Variants in ZMYND11 observed in about 807,000 individuals in gnomAD.
ZMYND11 encodes zinc finger MYND domain-containing protein 11.
A neutral mutation model predicts 84.9 loss-of-function variants in ZMYND11; 9 were observed. That is an observed-to-expected ratio of 0.11 (90% confidence interval 0.06 to 0.18). ZMYND11 has a LOEUF of 0.18. Among genes scored for constraint, ZMYND11 ranks in the 10% least tolerant of loss-of-function variants. The pLI is 1.00. For missense variants in ZMYND11, 409 were observed against 761.0 expected (o/e 0.54, Z 5.44); for synonymous variants, 250 against 244.1 (o/e 1.02, Z -0.23).
chr10:228,681 C>T (rs557735392), intron 4 of ZMYND11, among the ~76,000 whole-genome samples: 3 of 152,264 alleles, frequency 2.0e-5, no homozygotes, highest in South Asian at 2.1e-4. Flanking sequence ...AGATTTATTC[C>T]GCTGAAGAAC....
intron 1 of ZMYND11, among the ~76,000 whole-genome samples, chr10:153,817 C>T (rs1385663950): frequency 2.0e-5 from 3 of 152,186 alleles, no homozygotes; most frequent in African/African-American, 7.2e-5. Context: ...TAAAACAAGC[C>T]AGTTTCTTCC....
chr10:196,149 A>G (rs1357191916), intron 2 of ZMYND11, among the ~76,000 whole-genome samples: 2 of 152,168 alleles, frequency 1.3e-5, no homozygotes, highest in South Asian at 4.1e-4. Flanking sequence ...CTTTTTGGCT[A>G]TTTCTCTTTT....
chr10:207,093 G>T (rs1281936818), intron 2 of ZMYND11, among the ~76,000 whole-genome samples: 7 of 152,108 alleles, frequency 4.6e-5, no homozygotes, highest in Admixed American at 3.3e-4. Context: ...GCAGTGTTTG[G>T]TTTTTTGTCC....
chr10:219,335 TA>T (rs1397476786), intron 3 of ZMYND11, among the ~76,000 whole-genome samples: 3 of 152,196 alleles, frequency 2.0e-5, no homozygotes, highest in Non-Finnish European at 4.4e-5. Flanking sequence ...TGAATTAATG[TA>T]AAAAATTCAA....
intron 1 of ZMYND11, among the ~76,000 whole-genome samples, chr10:170,451 T>TGTGC (rs1456100828): frequency 1.5e-5 from 2 of 137,658 alleles, no homozygotes; most frequent in African/African-American, 5.4e-5. Flanking sequence ...TGTGTGTGTG[T>TGTGC]GTGTGCGTGC....
upstream of ZMYND11, among the ~76,000 whole-genome samples, chr10:131,582 G>A (rs1489275800): frequency 6.6e-6 from 1 of 152,098 alleles, no homozygotes; most frequent in Non-Finnish European, 1.5e-5. Context: ...TGGAGTGCAG[G>A]GATGCAATCA....
At chr10:158,996 T>TG (rs1219237913) in intron 1 of ZMYND11, among the ~76,000 whole-genome samples, 4 of 146,958 alleles carry the variant, frequency 2.7e-5, no homozygotes, top group African/African-American at 7.5e-5. Flanking sequence ...TTTTTGTTTT[T>TG]TTTTTTTTTT....
intron 2 of ZMYND11, among the ~76,000 whole-genome samples, chr10:209,581 A>T (rs1376634146): frequency 6.6e-6 from 1 of 152,170 alleles, no homozygotes; most frequent in Non-Finnish European, 1.5e-5. Flanking sequence ...ACTAAATGGG[A>T]TGTTTGACTA....
intron 1 of ZMYND11, among the ~76,000 whole-genome samples, chr10:146,627 T>C (rs190001019): frequency 3.9e-5 from 6 of 152,344 alleles, no homozygotes; most frequent in Admixed American, 1.3e-4. Flanking sequence ...TGTGTTGTTT[T>C]GTTTTTGCAG....
At chr10:226,616 A>T (rs2131514871) in intron 4 of ZMYND11, among the ~76,000 whole-genome samples, 1 of 152,280 alleles carries the variant, frequency 6.6e-6, no homozygotes, top group South Asian at 2.1e-4. Context: ...TAGGGCTTTA[A>T]ATTTTGTATG....
In ZMYND11 at chr10:135,696, C is replaced by G. The variant is rs1158435403; in HGVS notation, c.-20+137C>G. 9.4e-5 allele frequency: 14 copies of G among 148,560 alleles called. No homozygotes were observed. The highest frequency in any genetic ancestry group is 8.0e-4 in the Admixed American group (12 of 14,926). 9.2% of individuals were successfully genotyped at this position (148,560 alleles called of 1,614,324 possible). On this transcript the variant is annotated intron_variant, in intron 1 of 14. Coordinates refer to ENST00000381604, the MANE Select transcript of ZMYND11 (RefSeq NM_001370100.5). This position sits in a 1 kb window ranked among gnomAD's most constrained non-coding sequence, Gnocchi z 5.6. ...CAGTGGGTGCTGACGGTCGCTCGCC[C>G]GCTCGCGAAGAGCTCCGAGCTGCCG...
intron 7 of ZMYND11, 48 bp downstream of exon 7, chr10:239,573 A>G (rs1247222903): frequency 8.7e-6 from 11 of 1,261,988 alleles, no homozygotes; most frequent in Non-Finnish European, 1.3e-5. Context: ...CACACCATTT[A>G]CATTCCATGT....
chr10:167,585 A>G (rs1238517450), intron 1 of ZMYND11, among the ~76,000 whole-genome samples: 1 of 152,124 alleles, frequency 6.6e-6, no homozygotes, highest in African/African-American at 2.4e-5. Flanking sequence ...AATCTAATGT[A>G]CTTTGATCCA....
rs779634933 is a variant in ZMYND11, at chr10:221,255, T to G, written c.337T>G (p.Leu113Val). ...TGAATGCCATTTGCCTGGAGAGGTG[T>G]TGATATGTGACCTGTGTTTTCGTGT... Reference protein sequence around the residue: ...CFECHLPGEVLICDLCFRVYH... With the variant: ...CFECHLPGEVVICDLCFRVYH... Residue 113 changes from leucine (L) to valine (V), a missense_variant, in exon 4 of 15, where the codon TTG (leucine) becomes GTG (valine). Physicochemically the swap from Leu to Val is conservative, Grantham distance 32. Transcript: ENST00000381604. 1 of 1,613,976 alleles carries G rather than the reference T, an allele frequency of 6.2e-7. No individual in the cohort carries two copies. The highest frequency in any genetic ancestry group is 1.1e-5 in the South Asian group (1 of 91,078).
chr10:230,910 ATTAT>A (rs1203785561), intron 4 of ZMYND11, among the ~76,000 whole-genome samples: 1 of 152,214 alleles, frequency 6.6e-6, no homozygotes, highest in Non-Finnish European at 1.5e-5. Context: ...TGAAATTGAC[ATTAT>A]GGACCCTGCT....
chr10:134,653 A>C (rs1835470233), upstream of ZMYND11: 1 of 152,260 alleles, frequency 6.6e-6, no homozygotes, highest in South Asian at 2.1e-4. Flanking sequence ...CGTACTTCTC[A>C]GACTTCGCTG....
At chr10:234,054 G>A (rs999305377) in intron 4 of ZMYND11, among the ~76,000 whole-genome samples, 3 of 152,156 alleles carry the variant, frequency 2.0e-5, no homozygotes, top group African/African-American at 2.4e-5. Flanking sequence ...CCGTAGTACC[G>A]TTTCAAACTA....
upstream of ZMYND11, among the ~76,000 whole-genome samples, chr10:131,819 T>G (rs1412850514): frequency 1.3e-5 from 2 of 152,166 alleles, no homozygotes; most frequent in Admixed American, 6.5e-5. Context: ...TGAGCCACTA[T>G]TCCTGGCTGA....
intron 1 of ZMYND11, among the ~76,000 whole-genome samples, chr10:167,288 G>A (rs1163146937): frequency 6.6e-6 from 1 of 151,976 alleles, no homozygotes; most frequent in Admixed American, 6.6e-5. Flanking sequence ...ATAATATTAT[G>A]TTCCAAAAAC....
Sources: gnomAD v4.1 joint callset for allele counts (sites outside exome capture counted in the v4.1 genomes callset) on GRCh38, gnomAD v4.1.1 for gene constraint, Gnocchi (gnomAD v3.1) non-coding constraint, MANE v1.5 for transcripts, NCBI Gene and HGNC (gene_info 2026-07-23, HGNC 2026-07-21) for gene names.